Variants in OSBPL10 observed in about 807,000 individuals in gnomAD.
The protein encoded by OSBPL10 is oxysterol-binding protein-related protein 10.
A neutral mutation model predicts 81.7 loss-of-function variants in OSBPL10; 49 were observed. The observed-to-expected ratio is 0.60, with a 90% CI of 0.48 to 0.76. The LOEUF is 0.76. Among genes scored for constraint, OSBPL10 ranks in the 30% least tolerant of loss-of-function variants. OSBPL10 has a pLI of 0.00. For missense variants in OSBPL10, 923 were observed against 987.8 expected (o/e 0.93, Z 0.88); for synonymous variants, 419 against 383.6 (o/e 1.09, Z -1.08).
chr3:31,830,875 T>G (rs897411821), intron 3 of OSBPL10, among the ~76,000 whole-genome samples: 2 of 152,192 alleles, frequency 1.3e-5, no homozygotes, highest in African/African-American at 4.8e-5. Flanking sequence ...TTACATTTCA[T>G]CCTGTGGTAA....
rs185869657 is a variant in OSBPL10, at chr3:31,772,882, G to A, written c.730-24762C>T. Among the ~76,000 whole-genome samples the A allele has an allele frequency of 7.9e-5, 12 of 152,176 alleles. No individual in the cohort carries two copies. In the East Asian group the frequency reaches 1.7e-3, roughly 22 times the overall value. ...ATTCTTTCTCAGATTCTTGATTCTC[G>A]GAACCTTCCTCTTCTGTAAATGTAA... On this transcript the variant is annotated intron_variant, in intron 4 of 11. Transcript: ENST00000396556.
chr3:32,050,912 G>A (rs748805577), intron 1 of OSBPL10, among the ~76,000 whole-genome samples: 4 of 152,096 alleles, frequency 2.6e-5, no homozygotes, highest in Non-Finnish European at 5.9e-5. Context: ...CGCCCACCTC[G>A]GCCTCCCAAA....
At chr3:32,028,928 ACACACACACACACACAC>A (rs1699441466) in intron 2 of OSBPL10, among the ~76,000 whole-genome samples, 128 of 97,722 alleles carry the variant, frequency 1.3e-3, no homozygotes, top group African/African-American at 4.3e-3. Flanking sequence ...GCTAGTCAGG[ACACACACACACACACAC>A]ACACACACAC....
chr3:31,832,312 T>C (rs1268643614), intron 3 of OSBPL10, among the ~76,000 whole-genome samples: 1 of 151,918 alleles, frequency 6.6e-6, no homozygotes, highest in Non-Finnish European at 1.5e-5. Context: ...AGAGGGGAGA[T>C]TTTTTCACTG....
At chr3:32,074,819 AC>A (rs1311197856) in intron 1 of OSBPL10, among the ~76,000 whole-genome samples, 2 of 151,998 alleles carry the variant, frequency 1.3e-5, no homozygotes, top group Non-Finnish European at 2.9e-5. Context: ...CTTTCAGTAC[AC>A]CCTCTAACCT....
At chr3:31,970,368 G>A (rs1698525158) in intron 1 of OSBPL10, among the ~76,000 whole-genome samples, 2 of 152,180 alleles carry the variant, frequency 1.3e-5, no homozygotes, top group Admixed American at 1.3e-4. Context: ...CAAGACGGCT[G>A]CTGAAATTCC....
Position 31,970,672 on chromosome 3 carries a change from G to A in OSBPL10, c.281+10227C>T, listed in dbSNP as rs143609483. Among the ~76,000 whole-genome samples the A allele has an allele frequency of 1.4e-3, 213 of 152,322 alleles. 1 individual carries two copies. Among genetic ancestry groups the A allele is most frequent in the African/African-American group, 4.8e-3 (200 of 41,572 alleles). On this transcript the variant is annotated intron_variant, in intron 1 of 11. Coordinates refer to ENST00000396556, the MANE Select transcript of OSBPL10 (RefSeq NM_017784.5). Reference sequence around the variant, plus strand: ...TCCATCTCATTTTAAAGATTAAATTGGATAATATACGTAAAGTGTCTGATG... The same window carrying A: ...TCCATCTCATTTTAAAGATTAAATTAGATAATATACGTAAAGTGTCTGATG...
intron 4 of OSBPL10, among the ~76,000 whole-genome samples, chr3:31,812,420 T>G (rs1699704483): frequency 6.6e-6 from 1 of 152,180 alleles, no homozygotes; most frequent in South Asian, 2.1e-4. Flanking sequence ...ATCCAAATTT[T>G]GGTTCTGAAA....
At chr3:32,049,159 C>T (rs1412843331) in intron 1 of OSBPL10, among the ~76,000 whole-genome samples, 2 of 152,202 alleles carry the variant, frequency 1.3e-5, no homozygotes, top group Admixed American at 6.5e-5. Context: ...AGTTGAGCAG[C>T]CCATGCCACT....
intron 1 of OSBPL10, among the ~76,000 whole-genome samples, chr3:31,941,658 C>A (rs1443485869): frequency 6.6e-6 from 1 of 152,212 alleles, no homozygotes; most frequent in East Asian, 1.9e-4. Context: ...TAAGAGGTAG[C>A]TTTAAGAGAA....
At chr3:31,700,129 CAG>C (rs956786236) in intron 7 of OSBPL10, among the ~76,000 whole-genome samples, 5 of 130,764 alleles carry the variant, frequency 3.8e-5, no homozygotes, top group African/African-American at 5.4e-5. Context: ...TTTTGAATGA[CAG>C]AGTCTTCCAA....
chr3:31,783,111 T>TTATATATATA lies in OSBPL10; in HGVS notation c.730-35001_730-34992dup, dbSNP rs56846176. ...GGATATATCTATATCAATATATCTA[T>TTATATATATA]TATATATATATATATATATATATAT... On this transcript the variant is annotated intron_variant, in intron 4 of 11. Transcript: ENST00000396556. Among the ~76,000 whole-genome samples, 350 of 121,488 alleles carry TTATATATATA rather than the reference T, an allele frequency of 2.9e-3. 5 individuals carry two copies. The highest frequency in any genetic ancestry group is 3.9e-3 in the African/African-American group (107 of 27,246). The allele number at this position is 121,488 out of a possible 152,430, so 79.7% of individuals were successfully genotyped here. A position where few individuals can be genotyped will look rare whatever the true frequency, so the allele number is the denominator to read the frequency against.
At chr3:32,046,044 C>T (rs1039495137) in intron 2 of OSBPL10, 1 of 152,206 alleles carries the variant, frequency 6.6e-6, no homozygotes, top group African/African-American at 2.4e-5. Context: ...CCTGTGGGTT[C>T]TTATTTCTTA....
intron 1 of OSBPL10, among the ~76,000 whole-genome samples, chr3:31,911,057 G>A (rs1359632773): frequency 1.3e-5 from 2 of 152,054 alleles, no homozygotes; most frequent in African/African-American, 2.4e-5. Flanking sequence ...TATTAAATGC[G>A]ACACCCACAG....
At chr3:31,698,463 TAAAAATAAAAC>T (rs938617566) in intron 7 of OSBPL10, among the ~76,000 whole-genome samples, 3 of 145,648 alleles carry the variant, frequency 2.1e-5, no homozygotes, top group Non-Finnish European at 4.5e-5. Flanking sequence ...AAATATAAAA[TAAAAATAAAAC>T]AAAAATACAA....
intron 1 of OSBPL10, among the ~76,000 whole-genome samples, chr3:31,904,166 C>T (rs929378480): frequency 2.0e-5 from 3 of 152,182 alleles, no homozygotes; most frequent in East Asian, 1.9e-4. Context: ...TTCTTCCTTG[C>T]CCACTTTAAT....
chr3:31,955,842 G>C (rs551389274), intron 1 of OSBPL10, among the ~76,000 whole-genome samples: 2 of 152,322 alleles, frequency 1.3e-5, no homozygotes, highest in South Asian at 4.1e-4. Flanking sequence ...CAAGATCTGA[G>C]AGTGAGAGGG....
intron 5 of OSBPL10, among the ~76,000 whole-genome samples, chr3:31,739,735 C>T (rs1697283066): frequency 6.6e-6 from 1 of 152,192 alleles, no homozygotes; most frequent in South Asian, 2.1e-4. Context: ...TCTTAAACTT[C>T]CAGCCTCCAA....
At chr3:32,019,463 A>G (rs1268327101) in intron 2 of OSBPL10, among the ~76,000 whole-genome samples, 1 of 152,222 alleles carries the variant, frequency 6.6e-6, no homozygotes, top group East Asian at 1.9e-4. Flanking sequence ...TTATGGCTGA[A>G]TGGGAATTTA....
Sources: allele counts gnomAD v4.1 joint callset (sites outside exome capture counted in the v4.1 genomes callset), GRCh38; gene constraint gnomAD v4.1.1; transcripts MANE v1.5; gene names NCBI Gene and HGNC (gene_info 2026-07-23, HGNC 2026-07-21).